Variants in LINGO2 observed in about 807,000 individuals in gnomAD.
LINGO2 encodes the protein leucine-rich repeat and immunoglobulin-like domain-containing nogo receptor-interacting protein 2.
In LINGO2, 14 loss-of-function variants were observed where a neutral mutation model predicts 30.6. The ratio of observed to expected loss-of-function variants is 0.46; its 90% CI spans 0.30 to 0.72. The LOEUF (loss-of-function observed/expected upper bound fraction) is 0.72, where lower values mean the gene tolerates loss of function less well. LINGO2 is among the 30% of genes least tolerant of loss of function. The pLI, the probability that LINGO2 is intolerant of heterozygous loss-of-function variation, is 0.07. For synonymous variants in LINGO2, 317 were observed against 288.5 expected (o/e 1.10, Z -1.00); for missense variants, 729 against 751.7 (o/e 0.97, Z 0.35).
chr9:28,977,636 G>T, the LINGO2 span, among the ~76,000 whole-genome samples: 2 of 152,006 alleles, frequency 1.3e-5, no homozygotes, highest in East Asian at 1.9e-4. Context: ...CAAACTAAAA[G>T]AAATTTGTAT....
the LINGO2 span, among the ~76,000 whole-genome samples, chr9:28,692,483 A>C: frequency 6.6e-6 from 1 of 152,148 alleles, no homozygotes; most frequent in African/African-American, 2.4e-5. Context: ...TCAAAAAATA[A>C]AAACAAAAAT....
intron 2 of LINGO2, among the ~76,000 whole-genome samples, chr9:28,474,834 C>T (rs1825665371): frequency 6.6e-6 from 1 of 151,982 alleles, no homozygotes; most frequent in South Asian, 2.1e-4. Context: ...TGGTCTGCAC[C>T]ATGAGGATTA....
chr9:28,802,540 A>T, the LINGO2 span, among the ~76,000 whole-genome samples: 112 of 151,676 alleles, frequency 7.4e-4, no homozygotes, highest in African/African-American at 2.5e-3. Flanking sequence ...ATTTTCAAAA[A>T]TACTTGTCAG....
the LINGO2 span, among the ~76,000 whole-genome samples, chr9:29,145,152 G>T: frequency 1.3e-5 from 2 of 152,120 alleles, no homozygotes; most frequent in Non-Finnish European, 2.9e-5. Context: ...CTGTTGTTCA[G>T]AGCAATAAAT....
the LINGO2 span, among the ~76,000 whole-genome samples, chr9:28,774,319 A>C: frequency 2.0e-5 from 3 of 152,218 alleles, no homozygotes; most frequent in Admixed American, 2.0e-4. Context: ...AAAAAGAAAG[A>C]GGATTCCTCC....
the LINGO2 span, among the ~76,000 whole-genome samples, chr9:28,935,901 A>G: frequency 2.0e-5 from 3 of 152,072 alleles, no homozygotes; most frequent in African/African-American, 7.2e-5. Context: ...GGACAGCTAG[A>G]TTTTGTTTTG....
the LINGO2 span, among the ~76,000 whole-genome samples, chr9:28,832,612 G>C: frequency 6.6e-6 from 1 of 152,194 alleles, no homozygotes; most frequent in Admixed American, 6.5e-5. Context: ...AAATTCCTGG[G>C]AAGTGTTTAT....
At chr9:28,705,090 A>G in the LINGO2 span, among the ~76,000 whole-genome samples, 4 of 151,592 alleles carry the variant, frequency 2.6e-5, no homozygotes, top group Non-Finnish European at 5.9e-5. Context: ...AATTTTTTGT[A>G]TTTTTTTGTA....
rs1821837695 is a variant in LINGO2, at chr9:27,999,457, AG to A, written c.-36+12897del. 7.2e-5 allele frequency among the ~76,000 whole-genome samples: 11 copies of A among 151,730 alleles called. 1 individual carries two copies. The highest frequency in any genetic ancestry group is 7.2e-4 in the Admixed American group (11 of 15,218). ...TCTTCAGAGAGAGAGAGAGAGAGAGAGAGAGAGAGAGAGAGTCTGTGTGATG... is the reference window on the plus strand; with the variant it reads ...TCTTCAGAGAGAGAGAGAGAGAGAGAAGAGAGAGAGAGAGTCTGTGTGATG... On this transcript the variant is annotated intron_variant, in intron 5 of 5. Coordinates refer to ENST00000379992, the Ensembl canonical transcript of LINGO2.
At chr9:29,157,718 G>A in the LINGO2 span, among the ~76,000 whole-genome samples, 2 of 151,752 alleles carry the variant, frequency 1.3e-5, no homozygotes, top group Non-Finnish European at 2.9e-5. Context: ...CAGTTTTTTG[G>A]CTCCATGAAA....
the LINGO2 span, among the ~76,000 whole-genome samples, chr9:29,202,959 T>C: frequency 6.6e-6 from 1 of 152,146 alleles, no homozygotes; most frequent in Non-Finnish European, 1.5e-5. Context: ...TTCACATTTA[T>C]TTCATCAATC....
At chr9:28,426,455 T>C (rs1219365405) in intron 2 of LINGO2, among the ~76,000 whole-genome samples, 1 of 152,038 alleles carries the variant, frequency 6.6e-6, no homozygotes, top group Non-Finnish European at 1.5e-5. Flanking sequence ...ACCTATTAAT[T>C]TGGAAGGTAA....
At chr9:28,023,325 T>C (rs1418611614) in intron 4 of LINGO2, among the ~76,000 whole-genome samples, 2 of 152,214 alleles carry the variant, frequency 1.3e-5, no homozygotes, top group African/African-American at 2.4e-5. Flanking sequence ...AGTTGAACTG[T>C]GTTTAATGGT....
chr9:28,057,578 CATATATGT>C (rs1563949683), intron 4 of LINGO2, among the ~76,000 whole-genome samples: 5 of 21,460 alleles, frequency 2.3e-4, no homozygotes, highest in Non-Finnish European at 5.2e-4. Context: ...TATATATACA[CATATATGT>C]ATATACATAT....
At chr9:28,307,274 T>C (rs1263946322) in intron 3 of LINGO2, among the ~76,000 whole-genome samples, 1 of 152,104 alleles carries the variant, frequency 6.6e-6, no homozygotes, top group African/African-American at 2.4e-5. Context: ...GCTGGTTCAA[T>C]ATATGTAAAT....
the LINGO2 span, among the ~76,000 whole-genome samples, chr9:28,716,486 C>T: frequency 1.3e-5 from 2 of 152,048 alleles, no homozygotes; most frequent in Non-Finnish European, 2.9e-5. Flanking sequence ...TATTTGGTTG[C>T]ATGAGCCCTA....
At chr9:28,715,480 C>T in the LINGO2 span, among the ~76,000 whole-genome samples, 1 of 151,986 alleles carries the variant, frequency 6.6e-6, no homozygotes, top group African/African-American at 2.4e-5. Flanking sequence ...AATGTACAGT[C>T]CCCTAACATT....
chr9:28,037,366 T>C (rs1823988378), intron 4 of LINGO2, among the ~76,000 whole-genome samples: 1 of 152,224 alleles, frequency 6.6e-6, no homozygotes, highest in African/African-American at 2.4e-5. Context: ...TTGCTTACTA[T>C]TTCAGAACTT....
At chr9:29,180,683 C>A in the LINGO2 span, among the ~76,000 whole-genome samples, 1 of 152,182 alleles carries the variant, frequency 6.6e-6, no homozygotes, top group Admixed American at 6.5e-5. Flanking sequence ...GAAGGAATCA[C>A]TTCTTAATTA....
Sources: gnomAD v4.1 joint callset for allele counts (sites outside exome capture counted in the v4.1 genomes callset) on GRCh38, gnomAD v4.1.1 for gene constraint, MANE v1.5 for transcripts, NCBI Gene and HGNC (gene_info 2026-07-23, HGNC 2026-07-21) for gene names.